The following COCH variants were observed in gnomAD, a reference collection of about 807,000 sequenced individuals.
The protein encoded by COCH is coagulation factor C homolog, cochlin (Limulus polyphemus).
Under a neutral mutation model 54.8 loss-of-function variants are expected in COCH, and 40 were observed. That is an observed-to-expected ratio of 0.73 (90% CI 0.57 to 0.95). The LOEUF (loss-of-function observed/expected upper bound fraction) is 0.95. COCH is among the 40% of genes least tolerant of loss of function. COCH has a pLI of 0.00. For missense variants in COCH, 605 were observed against 675.0 expected (o/e 0.90, Z 1.15); for synonymous variants, 256 against 237.9 (o/e 1.08, Z -0.70).
At chr14:30,892,975 T>C (rs1896022436), downstream of COCH, among the ~76,000 whole-genome samples, 1 of 152,184 alleles carries the variant, frequency 6.6e-6, no homozygotes, top group Non-Finnish European at 1.5e-5. Context: ...ACGTAAGTTT[T>C]CTAGTGTTCC....
In COCH at chr14:30,886,112, C is replaced by G; in HGVS notation, c.1277C>G (p.Thr426Ser). The change falls in exon 11 of 12, where the codon ACC becomes AGC. Residue 426 changes from threonine to serine, a missense_variant. Physicochemically the swap from Thr to Ser is moderately conservative, Grantham distance 58. Coordinates refer to ENST00000396618, the MANE Select transcript of COCH (RefSeq NM_004086.3). ...RTEFSFTDYS[T>S]KENVLAVIRN... ...GAGTTCAGTTTCACTGACTATAGCA[C>G]CAAAGAGAATGTCCTAGCTGTCATC... The G allele has an allele frequency of 6.2e-7, 1 of 1,613,952 alleles. No homozygotes were observed. Among genetic ancestry groups the G allele is most frequent in the South Asian group, 1.1e-5 (1 of 91,078 alleles).
At chr14:30,885,118 C>T (rs544424380) in intron 9 of COCH, 124 of 1,537,040 alleles carry the variant, frequency 8.1e-5, no homozygotes, top group Admixed American at 4.8e-4. Context: ...TTCTAACTGG[C>T]GATTGATGTG....
chr14:30,884,744 A>C, intron 9 of COCH, 88 bp downstream of exon 9: 1 of 1,285,050 alleles, frequency 7.8e-7, no homozygotes, highest in Non-Finnish European at 1.1e-6. Flanking sequence ...ATTTTATATG[A>C]GCAGATGTGA....
downstream of COCH, among the ~76,000 whole-genome samples, chr14:30,890,955 C>T (rs983083051): frequency 3.9e-5 from 6 of 151,998 alleles, no homozygotes; most frequent in Admixed American, 3.9e-4. Context: ...GGGAGGACTG[C>T]TTGAGCCGAG....
chr14:30,877,569 C>T lies in COCH; in HGVS notation c.83-3C>T. The T allele has an allele frequency of 6.2e-7, 1 of 1,614,108 alleles. No homozygotes were observed. The highest frequency in any genetic ancestry group is 1.1e-5 in the South Asian group (1 of 91,090). On this transcript the variant is annotated splice_polypyrimidine_tract_variant and splice_region_variant and intron_variant, in intron 3 of 11. Coordinates refer to ENST00000396618, the MANE Select transcript of COCH (RefSeq NM_004086.3). This position sits in a 1 kb window ranked among gnomAD's most constrained non-coding sequence, Gnocchi z 8.6. ...CTTACAATATTATCTCCTTTTTCTT[C>T]AGCTCCCATTGCTATCACATGTTTT...
At position 30,877,364 on chromosome 14, in the gene COCH, T is replaced by C; in HGVS notation, c.83-208T>C. ...ACCCAGAACTTTCACATTAGAGTTT[T>C]ATAGTGGCTGGGGACTATATTAAAT... On this transcript the variant is annotated intron_variant, in intron 3 of 11. Transcript: ENST00000396618. The surrounding 1 kb of genome is among the most constrained non-coding windows in gnomAD (Gnocchi z 8.6). The C allele has an allele frequency of 1.7e-6, 1 of 596,968 alleles. No homozygotes were observed. Among genetic ancestry groups the C allele is most frequent in the Non-Finnish European group, 2.9e-6 (1 of 347,426 alleles). The allele number at this position is 596,968 out of a possible 1,614,324, so 37.0% of individuals were successfully genotyped here.
Position 30,877,571 on chromosome 14 carries a change from G to A in COCH, c.83-1G>A. On this transcript the variant is annotated splice_acceptor_variant, in intron 3 of 11. Transcript: ENST00000396618. LOFTEE classifies it high-confidence loss of function. This position sits in a 1 kb window ranked among gnomAD's most constrained non-coding sequence, Gnocchi z 8.6. ...TACAATATTATCTCCTTTTTCTTCAGCTCCCATTGCTATCACATGTTTTAC... is the reference window on the plus strand; with the variant it reads ...TACAATATTATCTCCTTTTTCTTCAACTCCCATTGCTATCACATGTTTTAC... 6.2e-7 allele frequency: 1 copy of A among 1,614,086 alleles called. No homozygotes were observed. Among genetic ancestry groups the A allele is most frequent in the Non-Finnish European group, 8.5e-7 (1 of 1,180,016 alleles).
rs770789480 is a variant in COCH, at chr14:30,889,621, A to G, written c.1483A>G (p.Thr495Ala). Reference protein sequence around the residue: ...PAAAAHDAGITIFSVGVAWAP... With the variant: ...PAAAAHDAGIAIFSVGVAWAP... Reference sequence around the variant, plus strand: ...TTAAAATGTTTTCATTGTAGGAATCACTATCTTCTCTGTTGGTGTGGCTTG... The same window carrying G: ...TTAAAATGTTTTCATTGTAGGAATCGCTATCTTCTCTGTTGGTGTGGCTTG... The change falls in exon 12 of 12, where the codon ACT becomes GCT. Residue 495 changes from threonine (T) to alanine (A), a missense_variant. Physicochemically the swap from Thr to Ala is moderately conservative, Grantham distance 58. Transcript: ENST00000396618. The G allele has an allele frequency of 1.9e-6, 3 of 1,613,598 alleles. No individual in the cohort carries two copies. Among genetic ancestry groups the G allele is most frequent in the African/African-American group, 1.3e-5 (1 of 74,910 alleles).
chr14:30,890,567 A>T lies in COCH; in HGVS notation c.*776A>T. ...AGACATTTCAAATAACTGCAGAAAA[A>T]ATATTGTAGTTTGAATATTTAAGCA... On this transcript the variant is annotated 3_prime_UTR_variant, in exon 12 of 12. Transcript: ENST00000396618. The T allele has an allele frequency of 3.1e-6, 3 of 967,796 alleles. No homozygotes were observed. Among genetic ancestry groups the T allele is most frequent in the Non-Finnish European group, 3.7e-6 (3 of 813,538 alleles). 60.0% of individuals were successfully genotyped at this position (967,796 alleles called of 1,614,324 possible). A position where few individuals can be genotyped will look rare whatever the true frequency, so the allele number is the denominator to read the frequency against.
chr14:30,875,308 C>A, intron 3 of COCH: 1 of 724,980 alleles, frequency 1.4e-6, no homozygotes, highest in Non-Finnish European at 2.2e-6. Flanking sequence ...GGTAGGGGGC[C>A]CCTGGGGTCC....
At chr14:30,876,084 A>G (rs1895348712) in intron 3 of COCH, 1 of 152,244 alleles carries the variant, frequency 6.6e-6, no homozygotes, top group Admixed American at 6.5e-5. Context: ...CAAGGTACTC[A>G]GTTGGACAGT....
At chr14:30,884,778 G>T in intron 9 of COCH, 122 bp downstream of exon 9, 2 of 1,280,320 alleles carry the variant, frequency 1.6e-6, no homozygotes, top group Non-Finnish European at 2.2e-6. Context: ...CTGAAATCTT[G>T]GCTAGGTCTG....
intron 9 of COCH, chr14:30,885,153 G>A (rs1895739591): frequency 7.3e-7 from 1 of 1,366,762 alleles, no homozygotes; most frequent in African/African-American, 1.5e-5. Flanking sequence ...GAGGCTTCTA[G>A]GAGGTGGAGG....
rs150712266 is a variant in COCH, at chr14:30,885,322, A to G, written c.734-72A>G. The stretch of plus-strand genomic sequence containing the variant: ...TAATTCTTAAACTTTGCAGCATCAA[A>G]TGCTACAGGGAAACAGAAATGTGGT... On this transcript the variant is annotated intron_variant, in intron 9 of 11. Coordinates refer to ENST00000396618, the MANE Select transcript of COCH (RefSeq NM_004086.3). The G allele has an allele frequency of 3.2e-4, 425 of 1,314,936 alleles. 3 individuals are homozygous for G. In the East Asian group the frequency reaches 9.5e-3, roughly 29 times the overall value. The allele number at this position is 1,314,936 out of a possible 1,614,324, so 81.5% of individuals were successfully genotyped here. A position where few individuals can be genotyped will look rare whatever the true frequency, so the allele number is the denominator to read the frequency against.
chr14:30,894,078 C>T (rs917557904), downstream of COCH: 2 of 152,494 alleles, frequency 1.3e-5, no homozygotes, highest in Non-Finnish European at 2.9e-5. Flanking sequence ...ACTTTATTGT[C>T]TTAATCATGC....
chr14:30,885,310 T>TCCC, intron 9 of COCH, 84 bp from the exon 10 acceptor site: 1 of 1,212,702 alleles, frequency 8.2e-7, no homozygotes, highest in East Asian at 2.4e-5. Context: ...TTCTTAAACT[T>TCCC]TGCAGCATCA....
At chr14:30,879,530 T>C in intron 6 of COCH, 45 bp downstream of exon 6, 1 of 1,588,120 alleles carries the variant, frequency 6.3e-7, no homozygotes, top group Admixed American at 1.7e-5. Context: ...GCACAGCATT[T>C]GGAAGTTATG....
At position 30,890,483 on chromosome 14, in the gene COCH, G is replaced by A; in HGVS notation, c.*692G>A. 1.1e-6 allele frequency: 1 copy of A among 928,284 alleles called. No individual in the cohort carries two copies. Among genetic ancestry groups the A allele is most frequent in the East Asian group, 1.2e-4 (1 of 8,532 alleles). The allele number at this position is 928,284 out of a possible 1,614,324, so 57.5% of individuals were successfully genotyped here. ...TTGGCTTATATTCTAAGTCACCTAA[G>A]TACTTAAAAGTTAAGTTGGTAAAGT... On this transcript the variant is annotated 3_prime_UTR_variant, in exon 12 of 12. Coordinates refer to ENST00000396618, the MANE Select transcript of COCH (RefSeq NM_004086.3).
intron 3 of COCH, chr14:30,875,456 A>C: frequency 1.7e-6 from 1 of 582,866 alleles, no homozygotes. Context: ...CGAGGAGCGC[A>C]CCAGTCCTGG....
Sources: gnomAD v4.1 joint callset for allele counts (sites outside exome capture counted in the v4.1 genomes callset) on GRCh38, gnomAD v4.1.1 for gene constraint, Gnocchi (gnomAD v3.1) non-coding constraint, MANE v1.5 for transcripts, NCBI Gene and HGNC (gene_info 2026-07-23, HGNC 2026-07-21) for gene names.